Variants in CYP39A1 observed in about 807,000 individuals in gnomAD.
The protein encoded by CYP39A1 is cytochrome P450 family 39 subfamily A member 1.
A neutral mutation model predicts 58.1 loss-of-function variants in CYP39A1; 49 were observed. That is an observed-to-expected ratio of 0.84 (90% CI 0.67 to 1.07). The LOEUF (loss-of-function observed/expected upper bound fraction) is 1.07. Among genes scored for constraint, CYP39A1 ranks in the 50% least tolerant of loss-of-function variants. The probability of loss-of-function intolerance (pLI) is 0.00; values close to 1 mark genes in which losing one functional copy is unlikely to be tolerated. For missense variants in CYP39A1, 531 were observed against 539.4 expected, an observed-to-expected ratio of 0.98 and a Z score of 0.16; for synonymous variants, 209 against 187.6, an observed-to-expected ratio of 1.11 and a Z score of -0.93.
In CYP39A1 at chr6:46,598,570, G is replaced by A. The variant is rs1349442529; in HGVS notation, c.932-2450C>T. ...ATCCCAACATTTTCTAAACTAATTCGGAAAAATAATTTAGAAAAGCCATGG... is the reference window on the plus strand; with the variant it reads ...ATCCCAACATTTTCTAAACTAATTCAGAAAAATAATTTAGAAAAGCCATGG... On this transcript the variant is annotated intron_variant, in intron 7 of 11. Coordinates refer to ENST00000275016, the MANE Select transcript of CYP39A1 (RefSeq NM_016593.5). 5.3e-5 allele frequency among the ~76,000 whole-genome samples: 8 copies of A among 152,020 alleles called. No individual in the cohort carries two copies. In the South Asian group the frequency reaches 1.2e-3, roughly 24 times the overall value.
intron 2 of CYP39A1, among the ~76,000 whole-genome samples, chr6:46,641,446 G>A (rs1220238858): frequency 1.3e-5 from 2 of 151,920 alleles, no homozygotes; most frequent in African/African-American, 2.4e-5. Flanking sequence ...ACATGAAAAG[G>A]AACCAAAGAA....
Position 46,636,435 on chromosome 6 carries a change from T to G in CYP39A1, c.686A>C (p.Asn229Thr). The G allele has an allele frequency of 6.2e-7, 1 of 1,610,490 alleles. No homozygotes were observed. The highest frequency in any genetic ancestry group is 8.5e-7 in the Non-Finnish European group (1 of 1,179,168). The change falls in exon 5 of 12, where the codon AAC becomes ACC. Residue 229 changes from asparagine to threonine, a missense_variant. Coordinates refer to ENST00000275016, the MANE Select transcript of CYP39A1 (RefSeq NM_016593.5). Reference protein sequence around the residue: ...KKWFLELFEKNIPDIKACKSA... With the variant: ...KKWFLELFEKTIPDIKACKSA... ...TTTACATGCTTTTATATCTGGAATG[T>G]TTTTCTCAAACAGTTCCAGGAACCA...
intron 8 of CYP39A1, among the ~76,000 whole-genome samples, chr6:46,588,578 A>G (rs1772621562): frequency 6.6e-6 from 1 of 152,136 alleles, no homozygotes; most frequent in African/African-American, 2.4e-5. Context: ...GGACTCTGAG[A>G]CAGGGACAAT....
intron 9 of CYP39A1, 50 bp from the exon 10 acceptor site, chr6:46,587,215 C>T (rs751001220): frequency 5.0e-6 from 6 of 1,204,958 alleles, no homozygotes; most frequent in Non-Finnish European, 3.6e-6. Context: ...TATAAATAAG[C>T]TTAACTTTAT....
At chr6:46,640,991 C>T (rs919598856) in intron 2 of CYP39A1, among the ~76,000 whole-genome samples, 11 of 151,758 alleles carry the variant, frequency 7.2e-5, no homozygotes, top group African/African-American at 1.9e-4. Flanking sequence ...TATACATATA[C>T]TATGCTGGTA....
chr6:46,607,059 T>A (rs1321940748), intron 7 of CYP39A1, among the ~76,000 whole-genome samples: 1 of 152,192 alleles, frequency 6.6e-6, no homozygotes, highest in African/African-American at 2.4e-5. Flanking sequence ...CTTGAAAGTA[T>A]CAGAGCAGCC....
chr6:46,629,456 T>C (rs1775519293), intron 6 of CYP39A1, among the ~76,000 whole-genome samples: 1 of 152,212 alleles, frequency 6.6e-6, no homozygotes, highest in African/African-American at 2.4e-5. Context: ...AAGAATATTA[T>C]AGGTACATAA....
intron 10 of CYP39A1, among the ~76,000 whole-genome samples, chr6:46,554,601 C>T (rs944138762): frequency 2.0e-5 from 3 of 148,546 alleles, no homozygotes; most frequent in African/African-American, 7.4e-5. Flanking sequence ...AAGACACATA[C>T]AAATAGAAAC....
At chr6:46,599,353 A>G (rs1322342830) in intron 7 of CYP39A1, among the ~76,000 whole-genome samples, 1 of 152,170 alleles carries the variant, frequency 6.6e-6, no homozygotes, top group East Asian at 1.9e-4. Context: ...AGAAGAAAAA[A>G]ATCTGAAGAA....
chr6:46,563,152 C>T (rs1454367368), intron 10 of CYP39A1, among the ~76,000 whole-genome samples: 2 of 150,280 alleles, frequency 1.3e-5, no homozygotes, highest in African/African-American at 2.4e-5. Context: ...AAAGCCTTTA[C>T]TATGTCACTG....
intron 10 of CYP39A1, among the ~76,000 whole-genome samples, chr6:46,579,919 G>A (rs989375689): frequency 1.3e-5 from 2 of 152,062 alleles, no homozygotes; most frequent in African/African-American, 2.4e-5. Flanking sequence ...TTGTTAAAAC[G>A]GTCATACTGC....
At chr6:46,593,944 C>T (rs1772992643) in intron 8 of CYP39A1, among the ~76,000 whole-genome samples, 1 of 152,090 alleles carries the variant, frequency 6.6e-6, no homozygotes, top group African/African-American at 2.4e-5. Flanking sequence ...CAATATATTC[C>T]TGTTATCTGT....
At chr6:46,607,204 A>C (rs1773900617) in intron 7 of CYP39A1, among the ~76,000 whole-genome samples, 1 of 152,168 alleles carries the variant, frequency 6.6e-6, no homozygotes, top group African/African-American at 2.4e-5. Context: ...ACACACACAA[A>C]AAATACCTGG....
At chr6:46,597,132 A>G (rs1773216192) in intron 7 of CYP39A1, among the ~76,000 whole-genome samples, 1 of 152,068 alleles carries the variant, frequency 6.6e-6, no homozygotes, top group Admixed American at 6.6e-5. Context: ...TTCTGTCAGT[A>G]TAGATAGAAT....
chr6:46,652,414 T>G lies in CYP39A1; in HGVS notation c.169A>C (p.Arg57=). The G allele has an allele frequency of 2.5e-6, 4 of 1,611,836 alleles. No individual in the cohort carries two copies. The highest frequency in any genetic ancestry group is 3.4e-6 in the Non-Finnish European group (4 of 1,179,156). ...CTGCCACGACCACATACCTTGATTC[T>G]TGCTTTCTCTATAAATTCTAGAGGG... ...KAPLEFIEKA[R]IKYGPIFTVF... The change falls in exon 1 of 12, where the codon AGA becomes CGA. Residue 57 remains arginine, a synonymous_variant. Coordinates refer to ENST00000275016, the MANE Select transcript of CYP39A1 (RefSeq NM_016593.5).
Position 46,652,468 on chromosome 6 carries a change from T to A in CYP39A1, c.115A>T (p.Ile39Phe), listed in dbSNP as rs773324144. Residue 39 changes from isoleucine to phenylalanine, a missense_variant, in exon 1 of 12, where the codon ATT becomes TTT. Ile to Phe is a conservative substitution (Grantham distance 21, BLOSUM62 0). Transcript: ENST00000275016. ...PPCIKGWIPW[I>F]GVGFEFGKAP... ...TTCCCAAACTCAAATCCAACTCCAA[T>A]CCAAGGAATCCAGCCCTTGATGCAC... The A allele has an allele frequency of 6.2e-6, 10 of 1,613,878 alleles. No individual in the cohort carries two copies. The highest frequency in any genetic ancestry group is 8.5e-6 in the Non-Finnish European group (10 of 1,179,948).
chr6:46,555,846 T>A (rs1351099688), intron 10 of CYP39A1, among the ~76,000 whole-genome samples: 1 of 152,234 alleles, frequency 6.6e-6, no homozygotes, highest in East Asian at 1.9e-4. Context: ...CAGGTGTGGC[T>A]ATAATCCATC....
At chr6:46,648,500 C>T (rs1392868950) in intron 1 of CYP39A1, among the ~76,000 whole-genome samples, 60 of 103,050 alleles carry the variant, frequency 5.8e-4, no homozygotes, top group African/African-American at 2.3e-3. Flanking sequence ...CATCACACAC[C>T]GGGGCCTGTT....
At chr6:46,552,661 A>C (rs567645254) in intron 11 of CYP39A1, among the ~76,000 whole-genome samples, 30 of 152,156 alleles carry the variant, frequency 2.0e-4, no homozygotes, top group Non-Finnish European at 4.1e-4. Flanking sequence ...CCTTTACCCA[A>C]AGTTTTCACA....
Sources: allele counts gnomAD v4.1 joint callset (sites outside exome capture counted in the v4.1 genomes callset), GRCh38; gene constraint gnomAD v4.1.1; transcripts MANE v1.5; gene names NCBI Gene and HGNC (gene_info 2026-07-23, HGNC 2026-07-21).